FGFRL1: variants seen among roughly 807,000 people sequenced by gnomAD.
FGFRL1 encodes fibroblast growth factor receptor like 1, also known as fibroblast growth factor receptor-like 1.
A neutral mutation model predicts 36.8 loss-of-function variants in FGFRL1; 24 were observed. The observed-to-expected ratio is 0.65, with a 90% CI of 0.47 to 0.92. The LOEUF is 0.92. Ranked by LOEUF, FGFRL1 falls within the 40% of genes least tolerant of loss-of-function variation. The pLI is 0.00. For synonymous variants in FGFRL1, 422 were observed against 344.1 expected, an observed-to-expected ratio of 1.23 and a Z score of -2.50; for missense variants, 785 against 753.4, an observed-to-expected ratio of 1.04 and a Z score of -0.49.
intron 6 of FGFRL1, 81 bp from the exon 7 acceptor site, chr4:1,024,824 C>A: frequency 2.1e-6 from 3 of 1,444,070 alleles, no homozygotes; most frequent in Non-Finnish European, 2.8e-6. Flanking sequence ...GTCTCCACAG[C>A]CCCTGGGATG....
chr4:1,010,757 G>C (rs1715539062), upstream of FGFRL1, among the ~76,000 whole-genome samples: 1 of 152,128 alleles, frequency 6.6e-6, no homozygotes, highest in Non-Finnish European at 1.5e-5. Context: ...CCTGGGCAGG[G>C]ACGGCAGGCG....
chr4:1,020,135 T>C (rs969005982), intron 2 of FGFRL1, among the ~76,000 whole-genome samples: 3 of 152,180 alleles, frequency 2.0e-5, no homozygotes, highest in African/African-American at 7.2e-5. Flanking sequence ...AAGACGCCAG[T>C]GGGAGACGTC....
chr4:1,018,811 T>G (rs1257634822), intron 2 of FGFRL1, among the ~76,000 whole-genome samples: 2 of 151,926 alleles, frequency 1.3e-5, no homozygotes, highest in Admixed American at 6.5e-5. Flanking sequence ...CCCAGGAATC[T>G]GGGGGGATGG....
upstream of FGFRL1, chr4:1,011,317 C>T (rs1050685682): frequency 2.7e-5 from 4 of 150,538 alleles, no homozygotes; most frequent in African/African-American, 7.3e-5. Flanking sequence ...GGCGCGGCGG[C>T]TCCTGGCCGG....
chr4:1,024,556 A>G lies in FGFRL1; in HGVS notation c.964A>G (p.Lys322Glu). Residue 322 changes from lysine (K) to glutamate (E), a missense_variant, in exon 6 of 7, where the codon AAG (lysine) becomes GAG (glutamate). Lys to Glu is a moderately conservative substitution (Grantham distance 56). Transcript: ENST00000510644. ...GCGGCCCGACGGCTCCTACCTCAAT[A>G]AGCTGCTCATCACCCGTGCCCGCCA... Reference protein sequence around the residue: ...WSRPDGSYLNKLLITRARQDD... With the variant: ...WSRPDGSYLNELLITRARQDD... 1 of 1,612,424 alleles carries G rather than the reference A, an allele frequency of 6.2e-7. No individual in the cohort carries two copies. Among genetic ancestry groups the G allele is most frequent in the Non-Finnish European group, 8.5e-7 (1 of 1,179,838 alleles).
rs1716468303 is a variant in FGFRL1 at position 1,025,465 on chromosome 4, C to T, written c.*118C>T. On this transcript the variant is annotated 3_prime_UTR_variant, in exon 7 of 7. Transcript: ENST00000510644. ...CATGGCGAGGAGGAATGGCCAGCAC[C>T]CCAGGCAGTCTGTGTGTGAGGCATA... The T allele has an allele frequency of 7.9e-7, 1 of 1,261,000 alleles. No individual in the cohort carries two copies. Among genetic ancestry groups the T allele is most frequent in the Non-Finnish European group, 1.1e-6 (1 of 915,402 alleles). 78.1% of individuals were successfully genotyped at this position (1,261,000 alleles called of 1,614,324 possible).
chr4:1,015,303 C>T (rs1383316454), intron 2 of FGFRL1, among the ~76,000 whole-genome samples: 8 of 152,218 alleles, frequency 5.3e-5, no homozygotes. Context: ...ACACCCCTCT[C>T]CCCAGAGGCC....
Position 1,025,565 on chromosome 4 carries a change from C to A in FGFRL1, c.*218C>A. 1.6e-6 allele frequency: 1 copy of A among 635,264 alleles called. No individual in the cohort carries two copies. The highest frequency in any genetic ancestry group is 2.7e-6 in the Non-Finnish European group (1 of 372,976). The allele number at this position is 635,264 out of a possible 1,614,324, so 39.4% of individuals were successfully genotyped here. On this transcript the variant is annotated 3_prime_UTR_variant, in exon 7 of 7. Transcript: ENST00000510644. The stretch of plus-strand genomic sequence containing the variant: ...GCACACACATGCGCGCACACGTGCT[C>A]CCTGAAGGCACACGTACGCACACAC...
rs763277398 is a variant in FGFRL1, at chr4:1,023,754, C to T, written c.433+33C>T. The T allele has an allele frequency of 1.7e-5, 26 of 1,549,318 alleles. No individual in the cohort carries two copies. Among genetic ancestry groups the T allele is most frequent in the African/African-American group, 2.7e-5 (2 of 73,748 alleles). ...GGGGGTGACGGGGGTGGGGGGCGTC[C>T]GTCTGTCCCGGCCCCTTGGCTGCAT... On this transcript the variant is annotated intron_variant, in intron 4 of 6. Transcript: ENST00000510644. The surrounding 1 kb of genome is among the most constrained non-coding windows in gnomAD (Gnocchi z 6.0).
At chr4:1,022,815 G>C (rs149736560) in intron 3 of FGFRL1, among the ~76,000 whole-genome samples, 11 of 152,116 alleles carry the variant, frequency 7.2e-5, no homozygotes, top group Non-Finnish European at 1.6e-4. Context: ...TTTGAGGCTC[G>C]GGTTTCGGAG....
intron 5 of FGFRL1, 25 bp downstream of exon 5, chr4:1,024,126 G>A (rs781224592): frequency 2.1e-5 from 30 of 1,444,512 alleles, no homozygotes; most frequent in East Asian, 8.1e-5. Flanking sequence ...GGGCGCTGGC[G>A]GGCGGGGGGT....
chr4:1,013,105 C>T (rs1026063912), intron 2 of FGFRL1, among the ~76,000 whole-genome samples: 12 of 152,346 alleles, frequency 7.9e-5, no homozygotes, highest in African/African-American at 2.6e-4. Flanking sequence ...CAGTGCCGGG[C>T]GGTTGTGTGG....
rs1056723780 is a variant in FGFRL1, at chr4:1,015,853, C to T, written c.79+3289C>T. Among the ~76,000 whole-genome samples the T allele has an allele frequency of 4.6e-5, 7 of 152,330 alleles. No individual in the cohort carries two copies. The South Asian group carries it at 1.5e-3, about 32-fold the overall frequency. On this transcript the variant is annotated intron_variant, in intron 2 of 6. Coordinates refer to ENST00000510644, the MANE Select transcript of FGFRL1 (RefSeq NM_001004356.3). Reference sequence around the variant, plus strand: ...GGCCCACCAGCCAGTGGCTTCAAGGCCCTCTACACTCCCTGTAGCCTTCCT... The same window carrying T: ...GGCCCACCAGCCAGTGGCTTCAAGGTCCTCTACACTCCCTGTAGCCTTCCT...
chr4:1,012,635 C>A, intron 2 of FGFRL1, 71 bp downstream of exon 2: 1 of 664,450 alleles, frequency 1.5e-6, no homozygotes, highest in East Asian at 3.5e-5. Flanking sequence ...CGGCCCTGAA[C>A]CCTGCCACAG....
chr4:1,017,740 C>T (rs1375119791), intron 2 of FGFRL1, among the ~76,000 whole-genome samples: 1 of 152,184 alleles, frequency 6.6e-6, no homozygotes, highest in African/African-American at 2.4e-5. Context: ...GGTGTCTCTC[C>T]CTGTGCTGAG....
At chr4:1,012,358 G>A (rs1423085836) in intron 1 of FGFRL1, 112 bp from the exon 2 acceptor site, 2 of 1,238,924 alleles carry the variant, frequency 1.6e-6, no homozygotes, top group Non-Finnish European at 2.2e-6. Context: ...GAGCGCGGGC[G>A]GGGAGGGCCT....
chr4:1,023,991 A>G lies in FGFRL1; in HGVS notation c.608A>G (p.Lys203Arg), dbSNP rs1227253496. ...GAGGCCGCTGAGCCCAGGAAGAAGA[A>G]GTGGACACTGAGCCTGAAGAACCTG... ...RPEAAEPRKK[K>R]WTLSLKNLRP... The change falls in exon 5 of 7, where the codon AAG (lysine) becomes AGG (arginine). Residue 203 changes from lysine (K) to arginine (R), a missense_variant. Coordinates refer to ENST00000510644, the MANE Select transcript of FGFRL1 (RefSeq NM_001004356.3). The surrounding 1 kb of genome is among the most constrained non-coding windows in gnomAD (Gnocchi z 6.0). 3 of 1,606,226 alleles carry G rather than the reference A, an allele frequency of 1.9e-6. No homozygotes were observed. Among genetic ancestry groups the G allele is most frequent in the Non-Finnish European group, 8.5e-7 (1 of 1,178,034 alleles).
Position 1,025,587 on chromosome 4 carries a change from A to G in FGFRL1, c.*240A>G, listed in dbSNP as rs1353153666. ...GCTCCCTGAAGGCACACGTACGCAC[A>G]CACGCACATGCACAGATATGCCGCC... On this transcript the variant is annotated 3_prime_UTR_variant, in exon 7 of 7. Coordinates refer to ENST00000510644, the MANE Select transcript of FGFRL1 (RefSeq NM_001004356.3). The G allele has an allele frequency of 1.0e-5, 6 of 596,784 alleles. No individual in the cohort carries two copies. Among genetic ancestry groups the G allele is most frequent in the African/African-American group, 1.9e-5 (1 of 53,772 alleles). 37.0% of individuals were successfully genotyped at this position (596,784 alleles called of 1,614,324 possible). A position where few individuals can be genotyped will look rare whatever the true frequency, so the allele number is the denominator to read the frequency against.
upstream of FGFRL1, among the ~76,000 whole-genome samples, chr4:1,010,553 AGG>A (rs1484969855): frequency 6.6e-6 from 1 of 152,144 alleles, no homozygotes; most frequent in Non-Finnish European, 1.5e-5. Context: ...TTCCTGGAAG[AGG>A]GGGCTTCAGG....
Sources: allele counts gnomAD v4.1 joint callset (sites outside exome capture counted in the v4.1 genomes callset), GRCh38; gene constraint gnomAD v4.1.1; non-coding constraint Gnocchi (gnomAD v3.1); transcripts MANE v1.5; gene names NCBI Gene and HGNC (gene_info 2026-07-23, HGNC 2026-07-21).